Variants in AFAP1L2 observed in about 807,000 individuals in gnomAD.
AFAP1L2 encodes actin filament associated protein 1 like 2.
A neutral mutation model predicts 99.3 loss-of-function variants in AFAP1L2; 46 were observed. That is an observed-to-expected ratio of 0.46 (90% confidence interval 0.37 to 0.59). The LOEUF is 0.59. AFAP1L2 is among the 20% of genes least tolerant of loss of function. The pLI, the probability that AFAP1L2 is intolerant of heterozygous loss-of-function variation, is 0.00. For synonymous variants in AFAP1L2, 397 were observed against 419.1 expected (o/e 0.95, Z 0.64); for missense variants, 959 against 1,034.9 (o/e 0.93, Z 1.01).
chr10:114,320,033 C>G (rs143359367), intron 5 of AFAP1L2, among the ~76,000 whole-genome samples: 1 of 152,162 alleles, frequency 6.6e-6, no homozygotes, highest in African/African-American at 2.4e-5. Context: ...GGAGCCCGGG[C>G]ACCTAATCTA....
chr10:114,394,151 C>T lies in AFAP1L2; in HGVS notation c.16+10289G>A, dbSNP rs574574066. On this transcript the variant is annotated intron_variant, in intron 1 of 18. Transcript: ENST00000304129. ...ACCTGCACTGTGCCGGGGGGACGACCGGCAAAGCCCCAGGGTTAGCAAATA... is the reference window on the plus strand; with the variant it reads ...ACCTGCACTGTGCCGGGGGGACGACTGGCAAAGCCCCAGGGTTAGCAAATA... Among the ~76,000 whole-genome samples, 8 of 152,238 alleles carry T rather than the reference C, an allele frequency of 5.3e-5. No homozygotes were observed. In the East Asian group the frequency reaches 1.2e-3, roughly 22 times the overall value.
chr10:114,294,454 T>C (rs2039886438), downstream of AFAP1L2, among the ~76,000 whole-genome samples: 1 of 152,222 alleles, frequency 6.6e-6, no homozygotes, highest in Non-Finnish European at 1.5e-5. Context: ...GATTTTGATT[T>C]TGTCATTTTT....
chr10:114,366,266 G>A (rs1165365802), intron 1 of AFAP1L2, among the ~76,000 whole-genome samples: 1 of 152,176 alleles, frequency 6.6e-6, no homozygotes, highest in Non-Finnish European at 1.5e-5. Context: ...ATGGAGGCAG[G>A]CATGGCTGTA....
At chr10:114,344,052 G>A (rs1457125989) in intron 1 of AFAP1L2, among the ~76,000 whole-genome samples, 1 of 152,190 alleles carries the variant, frequency 6.6e-6, no homozygotes, top group Non-Finnish European at 1.5e-5. Flanking sequence ...CCATAATCTA[G>A]CCTTATAAAT....
At chr10:114,392,731 C>T (rs1271358654) in intron 1 of AFAP1L2, among the ~76,000 whole-genome samples, 1 of 152,096 alleles carries the variant, frequency 6.6e-6, no homozygotes, top group Non-Finnish European at 1.5e-5. Context: ...GCTATGTGAC[C>T]ACCTTTGTTA....
rs372113713 is a variant in AFAP1L2, at chr10:114,351,627, C to G, written c.17-10896G>C. On this transcript the variant is annotated intron_variant, in intron 1 of 18. Transcript: ENST00000304129. ...CCCACTGGACCACCAGGCAAAAGCCCTTCCTTGGGGCTTCAAGGAACCTGG... is the reference window on the plus strand; with the variant it reads ...CCCACTGGACCACCAGGCAAAAGCCGTTCCTTGGGGCTTCAAGGAACCTGG... Among the ~76,000 whole-genome samples the G allele has an allele frequency of 2.5e-4, 38 of 152,310 alleles. No homozygotes were observed. The South Asian group carries it at 7.7e-3, about 31-fold the overall frequency.
chr10:114,362,366 G>A lies in AFAP1L2; in HGVS notation c.17-21635C>T, dbSNP rs2052558760. ...AATTAGATTAAGGATCTTGAGATAA[G>A]GTTATCCTGGGTTTAGGGAGGGCTC... is the stretch of plus-strand genomic sequence containing the variant. On this transcript the variant is annotated intron_variant, in intron 1 of 18. Transcript: ENST00000304129. Among the ~76,000 whole-genome samples, 4 of 152,198 alleles carry A rather than the reference G, an allele frequency of 2.6e-5. No homozygotes were observed. The South Asian group carries it at 8.3e-4, about 32-fold the overall frequency.
In AFAP1L2 at chr10:114,398,741, G is replaced by A. The variant is rs2057965805; in HGVS notation, c.16+5699C>T. ...TGCCCAGGCCGGTGCCCAGCTCCTT[G>A]ATCTCCCTCAACCATCCACCCAGAG... On this transcript the variant is annotated intron_variant, in intron 1 of 18. Transcript: ENST00000304129. 4.7e-6 allele frequency: 5 copies of A among 1,056,278 alleles called. No individual in the cohort carries two copies. In the South Asian group the frequency reaches 5.9e-5, roughly 12 times the overall value. 65.4% of individuals were successfully genotyped at this position (1,056,278 alleles called of 1,614,324 possible).
rs570355763 is a variant in AFAP1L2, at chr10:114,329,010, C to T, written c.315+2793G>A. On this transcript the variant is annotated intron_variant, in intron 4 of 18. Coordinates refer to ENST00000304129, the MANE Select transcript of AFAP1L2 (RefSeq NM_001001936.3). ...AAGTCCACAAAGTGGGAGGGAGCTG[C>T]CTTTTCCTGTCAAGTCAGCTGGCTT... Among the ~76,000 whole-genome samples, 5 of 152,330 alleles carry T rather than the reference C, an allele frequency of 3.3e-5. No individual in the cohort carries two copies. In the East Asian group the frequency reaches 9.6e-4, roughly 29 times the overall value.
chr10:114,311,090 A>C (rs2043172894), intron 7 of AFAP1L2, among the ~76,000 whole-genome samples: 1 of 151,850 alleles, frequency 6.6e-6, no homozygotes, highest in Non-Finnish European at 1.5e-5. Flanking sequence ...TTGAAACCCC[A>C]AGCAGAGGCT....
downstream of AFAP1L2, chr10:114,291,326 C>A: frequency 1.4e-6 from 2 of 1,417,230 alleles, no homozygotes; most frequent in Non-Finnish European, 1.9e-6. Flanking sequence ...TGCCTACCTT[C>A]TGGAATGTCT....
intron 4 of AFAP1L2, among the ~76,000 whole-genome samples, chr10:114,324,413 G>A (rs933224314): frequency 1.3e-4 from 10 of 78,620 alleles, no homozygotes; most frequent in African/African-American, 3.4e-4. Context: ...CCCCCCCCCC[G>A]GCTAATTTTT....
downstream of AFAP1L2, chr10:114,291,196 C>T (rs1453122439): frequency 6.4e-7 from 1 of 1,550,438 alleles, no homozygotes; most frequent in Admixed American, 2.0e-5. Context: ...CTCCTGTCCT[C>T]AGACTTCACT....
Position 114,323,215 on chromosome 10 carries a change from T to TC in AFAP1L2, c.361dup (p.Glu121GlyfsTer5), listed in dbSNP as rs779522984. The TC allele has an allele frequency of 6.2e-7, 1 of 1,603,478 alleles. No homozygotes were observed. Among genetic ancestry groups the TC allele is most frequent in the Non-Finnish European group, 8.5e-7 (1 of 1,174,268 alleles). The stretch of plus-strand genomic sequence containing the variant: ...TGGCTCAGCCTCTTCATAGTAGCCC[T>TC]CTGGAGACTCCGTCTTTGGGATGGC... On this transcript the variant is annotated frameshift_variant, in exon 5 of 19. Transcript: ENST00000304129. LOFTEE classifies it high-confidence loss of function.
At chr10:114,285,619 C>T in the AFAP1L2 span, among the ~76,000 whole-genome samples, 8 of 152,338 alleles carry the variant, frequency 5.3e-5, no homozygotes, top group African/African-American at 1.7e-4. Context: ...GAAGCAAACA[C>T]AGGAGCATAT....
At chr10:114,296,850 T>G (rs2040308849) in intron 18 of AFAP1L2, 128 bp downstream of exon 18, 10 of 1,504,246 alleles carry the variant, frequency 6.6e-6, no homozygotes, top group African/African-American at 1.4e-5. Context: ...GGCCACTCCT[T>G]GGTGAGTGCC....
At chr10:114,346,000 C>A (rs1009439045) in intron 1 of AFAP1L2, among the ~76,000 whole-genome samples, 1 of 152,196 alleles carries the variant, frequency 6.6e-6, no homozygotes, top group Non-Finnish European at 1.5e-5. Flanking sequence ...ATGGCACCTG[C>A]CCATCGGGGA....
intron 1 of AFAP1L2, among the ~76,000 whole-genome samples, chr10:114,376,140 C>A (rs930988277): frequency 6.6e-6 from 1 of 152,166 alleles, no homozygotes; most frequent in Admixed American, 6.5e-5. Flanking sequence ...AAGCCACCCC[C>A]TTAAAGGAAC....
intron 1 of AFAP1L2, among the ~76,000 whole-genome samples, chr10:114,358,358 G>A (rs575972829): frequency 4.6e-5 from 7 of 152,122 alleles, no homozygotes; most frequent in African/African-American, 7.2e-5. Flanking sequence ...TCAGCCAAAT[G>A]ATGACAAAGG....
Sources: allele counts gnomAD v4.1 joint callset (sites outside exome capture counted in the v4.1 genomes callset), GRCh38; gene constraint gnomAD v4.1.1; transcripts MANE v1.5; gene names NCBI Gene and HGNC (gene_info 2026-07-23, HGNC 2026-07-21).